The following NOX4 variants were observed in gnomAD, a reference collection of about 807,000 sequenced individuals.
NOX4 encodes the protein kidney oxidase-1.
A neutral mutation model predicts 87.6 loss-of-function variants in NOX4; 69 were observed. The observed-to-expected ratio is 0.79, with a 90% CI of 0.65 to 0.96. The LOEUF is 0.96. Ranked by LOEUF, NOX4 falls within the 40% of genes least tolerant of loss-of-function variation. NOX4 has a pLI of 0.00. For synonymous variants in NOX4, 275 were observed against 238.2 expected (o/e 1.15, Z -1.42); for missense variants, 680 against 681.5 (o/e 1.00, Z 0.02).
the NOX4 span, among the ~76,000 whole-genome samples, chr11:89,567,227 TG>T: frequency 6.6e-6 from 1 of 152,300 alleles, no homozygotes; most frequent in East Asian, 1.9e-4. Context: ...AGAGGCATTT[TG>T]CAGCAGCTGC....
chr11:89,487,505 G>A (rs1170898800), intron 2 of NOX4, among the ~76,000 whole-genome samples: 1 of 151,994 alleles, frequency 6.6e-6, no homozygotes, highest in Admixed American at 6.6e-5. Context: ...TATACTCAAA[G>A]CTATTATCAA....
At chr11:89,585,309 T>C in the NOX4 span, among the ~76,000 whole-genome samples, 3 of 152,148 alleles carry the variant, frequency 2.0e-5, no homozygotes, top group African/African-American at 7.2e-5. Flanking sequence ...TCTCTTAAAA[T>C]TCACCAGACC....
intron 2 of NOX4, among the ~76,000 whole-genome samples, chr11:89,466,420 G>A (rs1268045153): frequency 6.6e-6 from 1 of 152,148 alleles, no homozygotes; most frequent in African/African-American, 2.4e-5. Context: ...AATCCTAGCT[G>A]TTAGGGCTTT....
the NOX4 span, among the ~76,000 whole-genome samples, chr11:89,531,587 G>C: frequency 2.6e-5 from 4 of 152,142 alleles, no homozygotes; most frequent in Non-Finnish European, 5.9e-5. Context: ...CTGGGTCATG[G>C]GGGCAGTTTT....
intron 6 of NOX4, among the ~76,000 whole-genome samples, chr11:89,438,809 T>C (rs1333750235): frequency 4.1e-5 from 1 of 24,180 alleles, no homozygotes; most frequent in Non-Finnish European, 5.4e-5. Flanking sequence ...ATATTATATA[T>C]TATATATATT....
At chr11:89,385,635 G>A (rs182684699) in intron 11 of NOX4, among the ~76,000 whole-genome samples, 18 of 152,210 alleles carry the variant, frequency 1.2e-4, no homozygotes, top group African/African-American at 4.3e-4. Flanking sequence ...CTATCCTCAA[G>A]GAAATCAATT....
chr11:89,375,909 T>G (rs533597055), intron 11 of NOX4, among the ~76,000 whole-genome samples: 1 of 152,354 alleles, frequency 6.6e-6, no homozygotes, highest in East Asian at 1.9e-4. Context: ...TGTTTGTCCT[T>G]GTGTGCCTGA....
intron 13 of NOX4, among the ~76,000 whole-genome samples, chr11:89,345,717 G>T (rs535290871): frequency 6.6e-6 from 1 of 152,192 alleles, no homozygotes; most frequent in South Asian, 2.1e-4. Context: ...CTCAATAGAT[G>T]CAGAAAAAGT....
intron 2 of NOX4, among the ~76,000 whole-genome samples, chr11:89,482,819 C>G (rs986824155): frequency 6.6e-6 from 1 of 152,036 alleles, no homozygotes; most frequent in East Asian, 1.9e-4. Context: ...GAAACACAAA[C>G]AGTATATTCA....
chr11:89,557,720 A>T, the NOX4 span, among the ~76,000 whole-genome samples: 44 of 152,258 alleles, frequency 2.9e-4, 1 homozygote, highest in African/African-American at 1.0e-3. Flanking sequence ...GCACTTACTC[A>T]GGATACCTCA....
At chr11:89,405,899 A>G (rs1291175304) in intron 8 of NOX4, among the ~76,000 whole-genome samples, 1 of 152,062 alleles carries the variant, frequency 6.6e-6, no homozygotes, top group Non-Finnish European at 1.5e-5. Flanking sequence ...CTTCCTCTGT[A>G]CCAGGCCTAT....
intron 2 of NOX4, among the ~76,000 whole-genome samples, chr11:89,478,311 C>T (rs1248034845): frequency 1.3e-5 from 2 of 152,090 alleles, no homozygotes; most frequent in African/African-American, 4.8e-5. Context: ...TCATGTAGCT[C>T]AATTAATAAT....
At chr11:89,413,350 A>G (rs923888291) in intron 8 of NOX4, among the ~76,000 whole-genome samples, 1 of 152,176 alleles carries the variant, frequency 6.6e-6, no homozygotes, top group Non-Finnish European at 1.5e-5. Flanking sequence ...AAGAAAAGAA[A>G]TCAGTATATT....
upstream of NOX4, among the ~76,000 whole-genome samples, chr11:89,499,927 A>G (rs1176052335): frequency 6.6e-6 from 1 of 152,202 alleles, no homozygotes; most frequent in African/African-American, 2.4e-5. Context: ...TTACATTGAG[A>G]GAAAAACTAT....
At chr11:89,408,856 C>G (rs930690540) in intron 8 of NOX4, among the ~76,000 whole-genome samples, 2 of 152,068 alleles carry the variant, frequency 1.3e-5, no homozygotes, top group African/African-American at 2.4e-5. Flanking sequence ...TCAAAGAATC[C>G]CACATTTCAT....
intron 11 of NOX4, among the ~76,000 whole-genome samples, chr11:89,383,272 G>C (rs1480356220): frequency 6.6e-6 from 1 of 152,172 alleles, no homozygotes; most frequent in Non-Finnish European, 1.5e-5. Flanking sequence ...CCAGAAATCT[G>C]GCCACTGGGC....
the NOX4 span, among the ~76,000 whole-genome samples, chr11:89,568,049 C>T: frequency 1.3e-5 from 2 of 152,166 alleles, no homozygotes; most frequent in Non-Finnish European, 2.9e-5. Flanking sequence ...AGCACAGCAG[C>T]TGCTTAACCT....
At chr11:89,334,261 T>A (rs1945605763) in intron 17 of NOX4, among the ~76,000 whole-genome samples, 1 of 151,712 alleles carries the variant, frequency 6.6e-6, no homozygotes, top group Admixed American at 6.6e-5. Context: ...TGGGTGATAC[T>A]GGAGAAAGAT....
chr11:89,335,023 G>T (rs2135371964), intron 17 of NOX4, among the ~76,000 whole-genome samples: 1 of 151,810 alleles, frequency 6.6e-6, no homozygotes, highest in Non-Finnish European at 1.5e-5. Context: ...TTATATTCCA[G>T]TGGATATGTT....
Sources: gnomAD v4.1 joint callset for allele counts (sites outside exome capture counted in the v4.1 genomes callset) on GRCh38, gnomAD v4.1.1 for gene constraint, MANE v1.5 for transcripts, NCBI Gene and HGNC (gene_info 2026-07-23, HGNC 2026-07-21) for gene names.